The following SLC44A1 variants were observed in gnomAD, a reference collection of about 807,000 sequenced individuals.
The protein encoded by SLC44A1 is solute carrier family 44 member 1, also known as choline transporter-like protein 1.
A neutral mutation model predicts 79.3 loss-of-function variants in SLC44A1; 26 were observed. The ratio of observed to expected loss-of-function variants is 0.33; its 90% CI spans 0.24 to 0.46. The LOEUF (loss-of-function observed/expected upper bound fraction) is 0.46. Ranked by LOEUF, SLC44A1 falls within the 20% of genes least tolerant of loss-of-function variation. The pLI is 1.00. For synonymous variants in SLC44A1, 263 were observed against 286.2 expected (o/e 0.92, Z 0.82); for missense variants, 688 against 798.1 (o/e 0.86, Z 1.66).
chr9:105,268,296 C>A (rs1235156677), intron 1 of SLC44A1, among the ~76,000 whole-genome samples: 1 of 152,036 alleles, frequency 6.6e-6, no homozygotes, highest in Non-Finnish European at 1.5e-5. Context: ...CTATCTTTTC[C>A]CACCACTGGC....
intron 1 of SLC44A1, among the ~76,000 whole-genome samples, chr9:105,291,713 G>A (rs1830605056): frequency 6.6e-6 from 1 of 152,172 alleles, no homozygotes; most frequent in South Asian, 2.1e-4. Flanking sequence ...GGGAAAAGTA[G>A]CAGTGATGGA....
chr9:105,337,834 G>A (rs1377633064), intron 4 of SLC44A1, among the ~76,000 whole-genome samples: 1 of 152,168 alleles, frequency 6.6e-6, no homozygotes, highest in Non-Finnish European at 1.5e-5. Context: ...TCCCCTGCTG[G>A]TATGCTTTGT....
intron 15 of SLC44A1, among the ~76,000 whole-genome samples, chr9:105,433,999 T>C (rs1829432576): frequency 6.6e-6 from 1 of 152,160 alleles, no homozygotes; most frequent in African/African-American, 2.4e-5. Flanking sequence ...AAGAAAACTG[T>C]AAATTACTAA....
In SLC44A1 at chr9:105,392,698, A is replaced by G. The variant is rs1389081588; in HGVS notation, c.*3642A>G. 38 of 985,304 alleles carry G rather than the reference A, an allele frequency of 3.9e-5. No individual in the cohort carries two copies. The highest frequency in any genetic ancestry group is 1.2e-4 in the Admixed American group (2 of 16,272). 61.0% of individuals were successfully genotyped at this position (985,304 alleles called of 1,614,324 possible). A position where few individuals can be genotyped will look rare whatever the true frequency, so the allele number is the denominator to read the frequency against. The stretch of plus-strand genomic sequence containing the variant: ...CCCTGAGGCTTCAACTATTTCCACC[A>G]TGCACTATTACTAGCTACTAACAGC... On this transcript the variant is annotated 3_prime_UTR_variant, in exon 16 of 16. Transcript: ENST00000374720.
At chr9:105,370,931 A>G (rs1828078927) in intron 12 of SLC44A1, among the ~76,000 whole-genome samples, 1 of 152,244 alleles carries the variant, frequency 6.6e-6, no homozygotes, top group Non-Finnish European at 1.5e-5. Flanking sequence ...CTCATAATCA[A>G]TATGTGTATT....
intron 9 of SLC44A1, 115 bp downstream of exon 9, chr9:105,363,122 C>T: frequency 6.2e-6 from 5 of 806,602 alleles, no homozygotes; most frequent in Non-Finnish European, 9.9e-6. Flanking sequence ...CAATAGCCAT[C>T]AGAACTTGTA....
chr9:105,312,705 T>C (rs952093083), intron 3 of SLC44A1, among the ~76,000 whole-genome samples: 1 of 152,230 alleles, frequency 6.6e-6, no homozygotes, highest in Admixed American at 6.5e-5. Context: ...TATTTACTAA[T>C]TTTTTAAGCC....
intron 1 of SLC44A1, among the ~76,000 whole-genome samples, chr9:105,293,837 A>G (rs1388186980): frequency 6.6e-6 from 1 of 152,244 alleles, no homozygotes; most frequent in Admixed American, 6.5e-5. Context: ...ACTATAGCAT[A>G]TCAAATTCAC....
At chr9:105,275,462 T>G (rs922099009) in intron 1 of SLC44A1, among the ~76,000 whole-genome samples, 1 of 152,210 alleles carries the variant, frequency 6.6e-6, no homozygotes, top group African/African-American at 2.4e-5. Flanking sequence ...ATGTGAGCCA[T>G]GCAATGGGAT....
chr9:105,410,799 G>A (rs1829084916), intron 15 of SLC44A1, among the ~76,000 whole-genome samples: 1 of 152,172 alleles, frequency 6.6e-6, no homozygotes. Context: ...TCCATCAGCT[G>A]ATGAATGATA....
Position 105,394,732 on chromosome 9 carries a change from A to G in SLC44A1, c.*5676A>G. 1.0e-6 allele frequency: 1 copy of G among 985,422 alleles called. No individual in the cohort carries two copies. Among genetic ancestry groups the G allele is most frequent in the Non-Finnish European group, 1.2e-6 (1 of 829,936 alleles). The allele number at this position is 985,422 out of a possible 1,614,324, so 61.0% of individuals were successfully genotyped here. On this transcript the variant is annotated 3_prime_UTR_variant, in exon 16 of 16. Coordinates refer to ENST00000374720, the MANE Select transcript of SLC44A1 (RefSeq NM_080546.5). ...ATTAGCAAACTCAAGGGTAGTCCAT[A>G]GTTGGCAAAAAATAAATTTGGTAGA...
At chr9:105,347,337 C>CA (rs1442698278) in intron 4 of SLC44A1, among the ~76,000 whole-genome samples, 2 of 151,990 alleles carry the variant, frequency 1.3e-5, no homozygotes, top group Admixed American at 1.3e-4. Flanking sequence ...GTACGAACCT[C>CA]AGTTAATCAA....
At chr9:105,413,118 T>C (rs977482680) in intron 15 of SLC44A1, among the ~76,000 whole-genome samples, 20 of 152,340 alleles carry the variant, frequency 1.3e-4, no homozygotes, top group Admixed American at 1.2e-3. Flanking sequence ...AGGGTTCTAA[T>C]GGTTGGAAAA....
chr9:105,299,199 T>C, intron 1 of SLC44A1, 21 bp from the exon 2 acceptor site: 1 of 1,563,604 alleles, frequency 6.4e-7, no homozygotes, highest in Non-Finnish European at 8.7e-7. Flanking sequence ...TAACACTCTC[T>C]TATTTTGTAT....
chr9:105,354,979 A>C (rs1827576494), intron 5 of SLC44A1, among the ~76,000 whole-genome samples: 1 of 152,230 alleles, frequency 6.6e-6, no homozygotes, highest in Non-Finnish European at 1.5e-5. Flanking sequence ...AAGACTGAGG[A>C]ACACATTTGT....
intron 15 of SLC44A1, among the ~76,000 whole-genome samples, chr9:105,437,114 T>TG (rs1829473221): frequency 6.6e-6 from 1 of 152,160 alleles, no homozygotes; most frequent in Non-Finnish European, 1.5e-5. Flanking sequence ...CCCATCCTAA[T>TG]GGGGCTTTTT....
chr9:105,354,356 T>A (rs1214379036), intron 5 of SLC44A1, among the ~76,000 whole-genome samples: 3 of 152,132 alleles, frequency 2.0e-5, no homozygotes, highest in African/African-American at 7.2e-5. Context: ...GGCCAGTTAA[T>A]CCTTTTTGAT....
chr9:105,321,294 A>G (rs1039717618), intron 3 of SLC44A1, among the ~76,000 whole-genome samples: 5 of 152,314 alleles, frequency 3.3e-5, no homozygotes, highest in African/African-American at 1.2e-4. Flanking sequence ...ACAAAAATAC[A>G]GTTATTCCAG....
intron 15 of SLC44A1, among the ~76,000 whole-genome samples, chr9:105,413,663 T>G (rs1028317939): frequency 1.3e-5 from 2 of 152,226 alleles, no homozygotes; most frequent in Non-Finnish European, 2.9e-5. Context: ...TATAATAGGT[T>G]TCTGTTAAAT....
Sources: allele counts gnomAD v4.1 joint callset (sites outside exome capture counted in the v4.1 genomes callset), GRCh38; gene constraint gnomAD v4.1.1; transcripts MANE v1.5; gene names NCBI Gene and HGNC (gene_info 2026-07-23, HGNC 2026-07-21).